The following SNX7 variants were observed in gnomAD, a reference collection of about 807,000 sequenced individuals.
SNX7 encodes the protein sorting nexin-7.
In SNX7, 35 loss-of-function variants were observed where a neutral mutation model predicts 48.4. The ratio of observed to expected loss-of-function variants is 0.72; its 90% confidence interval spans 0.55 to 0.96. The LOEUF (loss-of-function observed/expected upper bound fraction) is 0.96. SNX7 is among the 40% of genes least tolerant of loss of function. The pLI, the probability that SNX7 is intolerant of heterozygous loss-of-function variation, is 0.00. For synonymous variants in SNX7, 190 were observed against 190.2 expected (o/e 1.00, Z 0.01); for missense variants, 553 against 548.9 (o/e 1.01, Z -0.07).
intron 1 of SNX7, chr1:98,662,248 C>T (rs1649278697): frequency 5.3e-6 from 1 of 188,916 alleles, no homozygotes; most frequent in African/African-American, 2.3e-5. Flanking sequence ...GCTCCCGAAC[C>T]TGGGAGGCTG....
chr1:98,665,532 A>C (rs918170701), intron 1 of SNX7, among the ~76,000 whole-genome samples: 5 of 152,198 alleles, frequency 3.3e-5, no homozygotes, highest in Non-Finnish European at 7.3e-5. Context: ...TTATAATGAC[A>C]TGATTGAGCA....
chr1:98,737,511 T>C (rs1174285263), intron 7 of SNX7, among the ~76,000 whole-genome samples: 1 of 152,156 alleles, frequency 6.6e-6, no homozygotes, highest in African/African-American at 2.4e-5. Context: ...TTAGTAAATA[T>C]ATACTGAATA....
chr1:98,740,682 A>C (rs12022871), intron 8 of SNX7, among the ~76,000 whole-genome samples: 5,881 of 152,220 alleles, frequency 0.039, 248 homozygotes, highest in East Asian at 0.19. Context: ...AGTTTATACA[A>C]AATGTTCCTT....
chr1:98,757,921 G>T (rs1388040452), intron 8 of SNX7, among the ~76,000 whole-genome samples: 1 of 152,028 alleles, frequency 6.6e-6, no homozygotes, highest in Non-Finnish European at 1.5e-5. Context: ...TCTGCATTCA[G>T]TGATTACTTC....
intron 8 of SNX7, among the ~76,000 whole-genome samples, chr1:98,745,965 C>T (rs909083969): frequency 1.3e-5 from 2 of 151,898 alleles, no homozygotes; most frequent in Admixed American, 1.3e-4. Flanking sequence ...TCCTTTTAAC[C>T]AAATATGTCA....
At chr1:98,719,694 T>C (rs148722148) in intron 7 of SNX7, among the ~76,000 whole-genome samples, 78 of 151,690 alleles carry the variant, frequency 5.1e-4, no homozygotes, top group African/African-American at 1.8e-3. Flanking sequence ...TATCTATCTT[T>C]TTCTTAAAGA....
intron 8 of SNX7, among the ~76,000 whole-genome samples, chr1:98,745,894 A>G (rs1654286541): frequency 6.6e-6 from 1 of 152,078 alleles, no homozygotes. Flanking sequence ...CATTTAATAG[A>G]GTTTTCTCCT....
At chr1:98,744,712 G>A (rs1654233605) in intron 8 of SNX7, among the ~76,000 whole-genome samples, 7 of 152,034 alleles carry the variant, frequency 4.6e-5, no homozygotes, top group Admixed American at 3.9e-4. Context: ...ACAAATAAAC[G>A]TTAACTAAAA....
At chr1:98,744,198 G>T (rs866426184) in intron 8 of SNX7, among the ~76,000 whole-genome samples, 3 of 151,978 alleles carry the variant, frequency 2.0e-5, no homozygotes, top group Non-Finnish European at 4.4e-5. Context: ...ATATTTCCTA[G>T]AATTTAGTAA....
rs981434078 is a variant in SNX7, at chr1:98,695,678, T to C, written c.800T>C (p.Ile267Thr). The C allele has an allele frequency of 2.0e-5, 32 of 1,591,638 alleles. No homozygotes were observed. Among genetic ancestry groups the C allele is most frequent in the Non-Finnish European group, 2.8e-5 (32 of 1,159,680 alleles). ...IELFSQKINLIDKISQRIYKE... is the reference protein window; with the variant it reads ...IELFSQKINLTDKISQRIYKE... ...CTATTTAGCCAGAAAATAAATTTGA[T>C]AGATAAAATATCTCAGAGAATTTAT... The change falls in exon 5 of 9, where the codon ATA (isoleucine) becomes ACA (threonine). Residue 267 changes from isoleucine (I) to threonine (T), a missense_variant. Transcript: ENST00000306121.
rs537032979 is a variant in SNX7 at position 98,726,937 on chromosome 1, G to A, written c.1126-11300G>A. Among the ~76,000 whole-genome samples, 8 of 152,292 alleles carry A rather than the reference G, an allele frequency of 5.3e-5. No individual in the cohort carries two copies. The South Asian group carries it at 6.2e-4, about 12-fold the overall frequency. On this transcript the variant is annotated intron_variant, in intron 7 of 8. Coordinates refer to ENST00000306121, the MANE Select transcript of SNX7 (RefSeq NM_015976.5). ...AAAAATAAAGTTTTTTTGGCCGGGT[G>A]CAGTGGCTCATGCCTGTAATCCCAG... is the stretch of plus-strand genomic sequence containing the variant.
At chr1:98,673,625 T>C (rs1359945219) in intron 1 of SNX7, among the ~76,000 whole-genome samples, 1 of 152,164 alleles carries the variant, frequency 6.6e-6, no homozygotes, top group Non-Finnish European at 1.5e-5. Flanking sequence ...CTGGGTGACA[T>C]GCAGTGAACA....
intron 7 of SNX7, among the ~76,000 whole-genome samples, chr1:98,726,115 T>G (rs1653151240): frequency 6.6e-6 from 1 of 152,144 alleles, no homozygotes; most frequent in South Asian, 2.1e-4. Flanking sequence ...GTGCCGCATT[T>G]TACAGAGGGG....
At chr1:98,674,228 A>T (rs751757455) in intron 1 of SNX7, among the ~76,000 whole-genome samples, 8 of 152,212 alleles carry the variant, frequency 5.3e-5, no homozygotes, top group Non-Finnish European at 1.2e-4. Context: ...AAGTGCAGAA[A>T]TGCTGTGTGA....
rs577906519 is a variant in SNX7, at chr1:98,678,855, T to C, written c.181-6030T>C. 2.0e-5 allele frequency among the ~76,000 whole-genome samples: 3 copies of C among 152,308 alleles called. No individual in the cohort carries two copies. In the South Asian group the frequency reaches 6.2e-4, roughly 32 times the overall value. The stretch of plus-strand genomic sequence containing the variant: ...TTTAGTCTCCTTAGTGGAAAACCTA[T>C]TGATGGTATCAACATTGAAAAATAA... On this transcript the variant is annotated intron_variant, in intron 1 of 8. Transcript: ENST00000306121.
intron 2 of SNX7, among the ~76,000 whole-genome samples, chr1:98,685,343 G>C (rs1227454916): frequency 1.3e-5 from 2 of 151,974 alleles, no homozygotes; most frequent in Non-Finnish European, 2.9e-5. Flanking sequence ...GTTTAAAAAA[G>C]TATTAAGAAA....
intron 4 of SNX7, among the ~76,000 whole-genome samples, chr1:98,691,935 A>ACTCTCTCTCT (rs1241403307): frequency 2.3e-5 from 2 of 87,290 alleles, no homozygotes; most frequent in Non-Finnish European, 5.0e-5. Flanking sequence ...ACACACACAC[A>ACTCTCTCTCT]CACTCTCTCT....
At chr1:98,726,489 G>A (rs1653178335) in intron 7 of SNX7, among the ~76,000 whole-genome samples, 1 of 152,126 alleles carries the variant, frequency 6.6e-6, no homozygotes, top group African/African-American at 2.4e-5. Flanking sequence ...ATGTAGCAGA[G>A]CACTGGACAT....
chr1:98,672,786 C>T (rs1286369038), intron 1 of SNX7, among the ~76,000 whole-genome samples: 11 of 150,142 alleles, frequency 7.3e-5, no homozygotes, highest in Admixed American at 2.0e-4. Flanking sequence ...TAGCCGGGCG[C>T]GGTGGCGGGC....
Sources: allele counts gnomAD v4.1 joint callset (sites outside exome capture counted in the v4.1 genomes callset), GRCh38; gene constraint gnomAD v4.1.1; transcripts MANE v1.5; gene names NCBI Gene and HGNC (gene_info 2026-07-23, HGNC 2026-07-21).